The following ADCY9 variants were observed in gnomAD, a reference collection of about 807,000 sequenced individuals.
ADCY9 encodes the protein adenylate cyclase type 9.
ADCY9 carries 50 observed loss-of-function variants against 101.5 expected under a neutral mutation model. The observed-to-expected ratio is 0.49, with a 90% CI of 0.39 to 0.62. The LOEUF is 0.62. ADCY9 is among the 20% of genes least tolerant of loss of function. ADCY9 has a pLI of 0.00. For missense variants in ADCY9, 1,662 were observed against 1,800.4 expected (o/e 0.92, Z 1.39); for synonymous variants, 905 against 769.3 (o/e 1.18, Z -2.92).
intron 3 of ADCY9, among the ~76,000 whole-genome samples, chr16:3,995,772 A>G (rs2056282390): frequency 6.6e-6 from 1 of 152,204 alleles, no homozygotes; most frequent in Admixed American, 6.5e-5. Context: ...GCAGACCTGT[A>G]CTATATTAAA....
At chr16:4,041,244 T>C (rs2056624653) in intron 2 of ADCY9, among the ~76,000 whole-genome samples, 1 of 152,194 alleles carries the variant, frequency 6.6e-6, no homozygotes, top group African/African-American at 2.4e-5. Flanking sequence ...GGCTCACGCC[T>C]GTAATCCCAG....
intron 2 of ADCY9, among the ~76,000 whole-genome samples, chr16:4,052,772 T>C (rs569863639): frequency 3.0e-4 from 46 of 152,312 alleles, no homozygotes; most frequent in Non-Finnish European, 5.3e-4. Context: ...TCAAAGAATA[T>C]TGAATGTGGC....
Position 3,966,576 on chromosome 16 carries a change from C to T in ADCY9, c.3261G>A (p.Glu1087=), listed in dbSNP as rs2055998769. The T allele has an allele frequency of 6.2e-7, 1 of 1,614,070 alleles. No homozygotes were observed. The highest frequency in any genetic ancestry group is 1.3e-5 in the African/African-American group (1 of 74,928). ...GGKECYRVLN[E]LIGDFDELLS... Reference sequence around the variant, plus strand: ...GGAGCTCGTCAAAGTCCCCGATGAGCTCGTTGAGGACCCGGTAGCACTCCT... The same window carrying T: ...GGAGCTCGTCAAAGTCCCCGATGAGTTCGTTGAGGACCCGGTAGCACTCCT... The change falls in exon 11 of 11, where the codon GAG becomes GAA. Residue 1087 remains glutamate (E), a synonymous_variant. Transcript: ENST00000294016.
At chr16:4,099,500 C>G (rs1039353883) in intron 2 of ADCY9, among the ~76,000 whole-genome samples, 1 of 152,052 alleles carries the variant, frequency 6.6e-6, no homozygotes, top group African/African-American at 2.4e-5. Flanking sequence ...ATCAGACAAA[C>G]AGAATTAATG....
At chr16:4,046,423 G>A (rs930519464) in intron 2 of ADCY9, among the ~76,000 whole-genome samples, 2 of 152,100 alleles carry the variant, frequency 1.3e-5, no homozygotes, top group African/African-American at 4.8e-5. Flanking sequence ...AAAACTGCAT[G>A]GGCCAGCACA....
intron 2 of ADCY9, among the ~76,000 whole-genome samples, chr16:4,065,533 A>T (rs977261342): frequency 2.0e-5 from 3 of 152,166 alleles, no homozygotes; most frequent in African/African-American, 7.2e-5. Flanking sequence ...TCGCACGTCA[A>T]TGTACAGCCT....
intron 3 of ADCY9, among the ~76,000 whole-genome samples, chr16:3,995,655 A>C (rs915130138): frequency 6.6e-6 from 1 of 152,024 alleles, no homozygotes; most frequent in African/African-American, 2.4e-5. Flanking sequence ...AAGAAGTGTA[A>C]AACATTGAAA....
intron 2 of ADCY9, among the ~76,000 whole-genome samples, chr16:4,052,198 A>C (rs1459746496): frequency 6.6e-6 from 1 of 152,204 alleles, no homozygotes; most frequent in African/African-American, 2.4e-5. Flanking sequence ...AAAAATGTCA[A>C]GGTCGTGAAA....
At position 4,047,548 on chromosome 16, in the gene ADCY9, T is replaced by C. The variant is rs111473594; in HGVS notation, c.1694-39990A>G. Among the ~76,000 whole-genome samples, 1,181 of 152,182 alleles carry C rather than the reference T, an allele frequency of 7.8e-3. 8 individuals are homozygous for C. Among genetic ancestry groups the C allele is most frequent in the Non-Finnish European group, 0.013 (873 of 68,028 alleles). ...TTCCTTTGTAACCAATGGGCTTCTG[T>C]GTGAGCTGTTAGACGCACACTGGTA... On this transcript the variant is annotated intron_variant, in intron 2 of 10. Coordinates refer to ENST00000294016, the MANE Select transcript of ADCY9 (RefSeq NM_001116.4).
Position 4,115,392 on chromosome 16 carries a change from C to T in ADCY9, c.51G>A (p.Val17=). The T allele has an allele frequency of 1.3e-6, 2 of 1,593,154 alleles. No homozygotes were observed. Among genetic ancestry groups the T allele is most frequent in the South Asian group, 1.1e-5 (1 of 88,362 alleles). The change falls in exon 2 of 11, where the codon GTG becomes GTA. Residue 17 remains valine (V), a synonymous_variant. Coordinates refer to ENST00000294016, the MANE Select transcript of ADCY9 (RefSeq NM_001116.4). The surrounding 1 kb of genome is among the most constrained non-coding windows in gnomAD (Gnocchi z 6.2). ...QQLLHHHSTE[V]SCDSSGDSNS... ...TGCTGTCCCCGCTGGAGTCGCAGCT[C>T]ACCTCGGTGCTGTGGTGATGCAGCA...
Position 4,115,521 on chromosome 16 carries a change from A to T in ADCY9, c.-43-36T>A. The T allele has an allele frequency of 1.4e-6, 2 of 1,445,058 alleles. No individual in the cohort carries two copies. Among genetic ancestry groups the T allele is most frequent in the South Asian group, 2.8e-5 (2 of 71,380 alleles). The allele number at this position is 1,445,058 out of a possible 1,614,324, so 89.5% of individuals were successfully genotyped here. A position where few individuals can be genotyped will look rare whatever the true frequency, so the allele number is the denominator to read the frequency against. On this transcript the variant is annotated intron_variant, in intron 1 of 10. Coordinates refer to ENST00000294016, the MANE Select transcript of ADCY9 (RefSeq NM_001116.4). This position sits in a 1 kb window ranked among gnomAD's most constrained non-coding sequence, Gnocchi z 6.2. ...AACGGGGAGAGTTAGCGGCGCTCCC[A>T]CCTAGGCATGCACGCCTAGAGGCCC...
chr16:4,048,984 G>A (rs13380478), intron 2 of ADCY9, among the ~76,000 whole-genome samples: 7,930 of 152,200 alleles, frequency 0.052, 732 homozygotes, highest in African/African-American at 0.18. Flanking sequence ...GACTCATAAC[G>A]ACCAAGGGTC....
chr16:3,976,165 G>GTT (rs2056091119), intron 9 of ADCY9, among the ~76,000 whole-genome samples: 1 of 151,926 alleles, frequency 6.6e-6, no homozygotes, highest in African/African-American at 2.4e-5. Flanking sequence ...CTAATTTTTT[G>GTT]TATTTTTAGT....
intron 2 of ADCY9, among the ~76,000 whole-genome samples, chr16:4,057,424 C>T (rs982694233): frequency 6.6e-6 from 1 of 152,206 alleles, no homozygotes; most frequent in African/African-American, 2.4e-5. Context: ...AGAACACTTT[C>T]ATCACCCCAG....
chr16:3,997,147 G>C (rs903325868), intron 3 of ADCY9, among the ~76,000 whole-genome samples: 2 of 152,236 alleles, frequency 1.3e-5, no homozygotes, highest in African/African-American at 4.8e-5. Flanking sequence ...TTACAGGCGT[G>C]AGCCACCGTG....
rs2056165690 is a variant in ADCY9 at position 3,983,662 on chromosome 16, C to T, written c.2311-222G>A. 1.9e-5 allele frequency: 11 copies of T among 566,714 alleles called. No homozygotes were observed. In the East Asian group the frequency reaches 2.3e-4, roughly 12 times the overall value. The allele number at this position is 566,714 out of a possible 1,614,324, so 35.1% of individuals were successfully genotyped here. A position where few individuals can be genotyped will look rare whatever the true frequency, so the allele number is the denominator to read the frequency against. On this transcript the variant is annotated intron_variant, in intron 6 of 10. Coordinates refer to ENST00000294016, the MANE Select transcript of ADCY9 (RefSeq NM_001116.4). ...TTGCCCAGGGGGCTGGGCACGGTGG[C>T]TCACGCCTGTAATCCCGACACTTTG...
At position 3,992,469 on chromosome 16, in the gene ADCY9, T is replaced by C. The variant is rs2239308; in HGVS notation, c.1990-106A>G. 0.28 allele frequency: 289,534 copies of C among 1,030,534 alleles called. 42,580 individuals carry two copies. The highest frequency in any genetic ancestry group is 0.4 in the Middle Eastern group (1,283 of 3,192). 63.8% of individuals were successfully genotyped at this position (1,030,534 alleles called of 1,614,324 possible). On this transcript the variant is annotated intron_variant, in intron 4 of 10. Coordinates refer to ENST00000294016, the MANE Select transcript of ADCY9 (RefSeq NM_001116.4). This position sits in a 1 kb window ranked among gnomAD's most constrained non-coding sequence, Gnocchi z 4.2. ...CCTCCGCTGCGGGGCGCTGCTGCAC[T>C]GGGCGTGGGACTTTCTGACCTGCGA...
chr16:3,987,938 G>A (rs1044116281), intron 6 of ADCY9, among the ~76,000 whole-genome samples: 1 of 152,100 alleles, frequency 6.6e-6, no homozygotes, highest in Non-Finnish European at 1.5e-5. Flanking sequence ...ATTCCTTCCA[G>A]CAACCCCCTA....
chr16:3,968,547 G>C (rs1025353547), intron 10 of ADCY9, among the ~76,000 whole-genome samples: 1 of 152,110 alleles, frequency 6.6e-6, no homozygotes, highest in African/African-American at 2.4e-5. Flanking sequence ...CCTGATTCTG[G>C]GTTAGTTCTT....
Sources: gnomAD v4.1 joint callset for allele counts (sites outside exome capture counted in the v4.1 genomes callset) on GRCh38, gnomAD v4.1.1 for gene constraint, Gnocchi (gnomAD v3.1) non-coding constraint, MANE v1.5 for transcripts, NCBI Gene and HGNC (gene_info 2026-07-23, HGNC 2026-07-21) for gene names.